KLHL15: variants seen among roughly 807,000 people sequenced by gnomAD.
The protein encoded by KLHL15 is kelch-like protein 15.
KLHL15 carries 1 observed loss-of-function variant against 29.3 expected under a neutral mutation model. That is an observed-to-expected ratio of 0.03 (90% CI 0.01 to 0.16). The LOEUF is 0.16. Among genes scored for constraint, KLHL15 ranks in the 10% least tolerant of loss-of-function variants. KLHL15 has a pLI of 1.00. For missense variants in KLHL15, 215 were observed against 478.5 expected (o/e 0.45, Z 5.14); for synonymous variants, 212 against 184.5 (o/e 1.15, Z -1.21).
intron 2 of KLHL15, among the ~76,000 whole-genome samples, chrX:24,007,069 C>CA (rs1929459156): frequency 2.7e-5 from 3 of 110,611 alleles, no homozygotes; most frequent in Non-Finnish European, 5.7e-5. Flanking sequence ...GGCACATTGC[C>CA]AGCAGCCCCA....
chrX:24,018,959 C>T (rs5925985), intron 2 of KLHL15, among the ~76,000 whole-genome samples: 3,972 of 68,844 alleles, frequency 0.058, 66 homozygotes, highest in Non-Finnish European at 0.068. Context: ...GCCAAGATTG[C>T]GCCACCTCCA....
intron 3 of KLHL15, among the ~76,000 whole-genome samples, chrX:23,997,346 G>A (rs901222951): frequency 3.6e-5 from 4 of 111,721 alleles, no homozygotes; most frequent in African/African-American, 9.7e-5. Context: ...GCCAAGGTGG[G>A]AGGATCACTT....
chrX:23,997,093 AGTAAAGTGACCAGG>A (rs766273065), intron 3 of KLHL15, among the ~76,000 whole-genome samples: 1 of 111,792 alleles, frequency 8.9e-6, no homozygotes, highest in East Asian at 2.8e-4. Context: ...GAACTTCAGA[AGTAAAGTGACCAGG>A]GTAAATAGGG....
At chrX:23,991,935 A>G (rs1421637198) in intron 3 of KLHL15, among the ~76,000 whole-genome samples, 7 of 112,370 alleles carry the variant, frequency 6.2e-5, no homozygotes, top group Non-Finnish European at 1.1e-4. Context: ...AGTGTGCCTT[A>G]CCGATTTTTC....
At chrX:24,001,271 TTC>T (rs1408702394) in intron 3 of KLHL15, among the ~76,000 whole-genome samples, 1 of 111,883 alleles carries the variant, frequency 8.9e-6, no homozygotes, top group Admixed American at 9.6e-5. Context: ...TAAAATAGAT[TTC>T]TTTCCCTCTG....
At chrX:24,025,476 A>G (rs1387978045) in intron 1 of KLHL15, among the ~76,000 whole-genome samples, 23 of 102,930 alleles carry the variant, frequency 2.2e-4, no homozygotes, top group African/African-American at 8.0e-4. Flanking sequence ...CAGGGGGCCC[A>G]GTGCGCTGTC....
In KLHL15 at chrX:23,988,797, T is replaced by C; in HGVS notation, c.939A>G (p.Pro313=). 5.0e-6 allele frequency: 6 copies of C among 1,211,933 alleles called. No individual in the cohort carries two copies. Among genetic ancestry groups the C allele is most frequent in the Non-Finnish European group, 6.7e-6 (6 of 895,556 alleles). ...GGCAGTCAGGTCGCAGAGGTACTTG[T>C]GGGCCTTCTAGCTCCCACCAGACTC... ...KPRVWWELEG[P]QVPLRPDCLA... Residue 313 remains proline (P), a synonymous_variant, in exon 4 of 4, where the codon CCA becomes CCG. Coordinates refer to ENST00000328046, the MANE Select transcript of KLHL15 (RefSeq NM_030624.3).
Position 23,989,043 on chromosome X carries a change from GAA to G in KLHL15, c.706-15_706-14del. On this transcript the variant is annotated splice_polypyrimidine_tract_variant and intron_variant, in intron 3 of 3. Coordinates refer to ENST00000328046, the MANE Select transcript of KLHL15 (RefSeq NM_030624.3). ...CTGATGTCTTAACCTAAGAACACAA[GAA>G]AAAGAATTTAACCAAAGGAAAAAGC... 8.6e-7 allele frequency: 1 copy of G among 1,162,630 alleles called. No homozygotes were observed.
chrX:24,013,077 G>T (rs1057481927), intron 2 of KLHL15, among the ~76,000 whole-genome samples: 2 of 111,234 alleles, frequency 1.8e-5, no homozygotes, highest in Non-Finnish European at 3.8e-5. Context: ...TAAGCTACAA[G>T]TTTGGTCTTG....
At chrX:24,016,120 G>A (rs1395792243) in intron 2 of KLHL15, among the ~76,000 whole-genome samples, 3 of 108,026 alleles carry the variant, frequency 2.8e-5, no homozygotes, top group Non-Finnish European at 5.7e-5. Flanking sequence ...AGGCCAAGGC[G>A]GGCAGATCAT....
chrX:23,991,901 C>A (rs927082593), intron 3 of KLHL15, among the ~76,000 whole-genome samples: 1 of 112,192 alleles, frequency 8.9e-6, no homozygotes, highest in Non-Finnish European at 1.9e-5. Flanking sequence ...ATTTTCCATT[C>A]ATTTCTTCTA....
At chrX:24,020,084 A>C (rs1365605481) in intron 2 of KLHL15, among the ~76,000 whole-genome samples, 1 of 112,331 alleles carries the variant, frequency 8.9e-6, no homozygotes, top group East Asian at 2.8e-4. Context: ...CTTCATCCCC[A>C]AACTGTTCTC....
chrX:23,987,953 A>T lies in KLHL15; in HGVS notation c.1783T>A (p.Tyr595Asn). The T allele has an allele frequency of 8.3e-7, 1 of 1,209,648 alleles. No individual in the cohort carries two copies. The highest frequency in any genetic ancestry group is 1.1e-6 in the Non-Finnish European group (1 of 894,299). The change falls in exon 4 of 4, where the codon TAT becomes AAT. Residue 595 changes from tyrosine (Y) to asparagine (N), a missense_variant. Tyr to Asn is a moderately radical substitution (Grantham distance 143). Coordinates refer to ENST00000328046, the MANE Select transcript of KLHL15 (RefSeq NM_030624.3). The stretch of plus-strand genomic sequence containing the variant: ...CAACGCCTGACCTCATCCAGTACAT[A>T]GTCCGGAAAATGCAGGTTGCATACT... ...LQVCNLHFPD[Y>N]VLDEVRRCN
At chrX:24,017,779 CAAAAAAAAAAAAAA>C (rs531099917) in intron 2 of KLHL15, among the ~76,000 whole-genome samples, 2 of 42,526 alleles carry the variant, frequency 4.7e-5, no homozygotes, top group African/African-American at 8.6e-5. Context: ...GACCATGTCC[CAAAAAAAAAAAAAA>C]AAAAAAAAAA....
intron 3 of KLHL15, among the ~76,000 whole-genome samples, chrX:24,001,802 C>CAA (rs766669649): frequency 0.13 from 2,822 of 22,496 alleles, 255 homozygotes; most frequent in East Asian, 0.39. Context: ...AGACTTGACT[C>CAA]AAAAAAAAAA....
rs192431350 is a variant in KLHL15 at position 24,014,790 on chromosome X, A to G, written c.-7-8090T>C. On this transcript the variant is annotated intron_variant, in intron 2 of 3. Coordinates refer to ENST00000328046, the MANE Select transcript of KLHL15 (RefSeq NM_030624.3). ...TGGCCACAGTCACTCGTGGTCATAC[A>G]GGAGTGGGAAATATGAATCAAGATG... is the stretch of plus-strand genomic sequence containing the variant. 2.2e-3 allele frequency among the ~76,000 whole-genome samples: 243 copies of G among 112,235 alleles called. 1 individual carries two copies. The highest frequency in any genetic ancestry group is 4.0e-3 in the Admixed American group (42 of 10,531).
intron 2 of KLHL15, among the ~76,000 whole-genome samples, chrX:24,011,474 T>C (rs1929574005): frequency 9.1e-6 from 1 of 110,132 alleles, no homozygotes; most frequent in Admixed American, 9.7e-5. Context: ...TGAAACCCCA[T>C]CTCTACCAAA....
At chrX:24,012,637 C>T (rs1201598088) in intron 2 of KLHL15, among the ~76,000 whole-genome samples, 2 of 112,082 alleles carry the variant, frequency 1.8e-5, no homozygotes, top group African/African-American at 6.5e-5. Context: ...ATCCTTACTC[C>T]AGTCCATATA....
At chrX:24,019,317 ACAGTGG>A (rs2147111081) in intron 2 of KLHL15, among the ~76,000 whole-genome samples, 1 of 111,784 alleles carries the variant, frequency 8.9e-6, no homozygotes, top group South Asian at 3.8e-4. Context: ...AGGCTGGAGT[ACAGTGG>A]CATGATCTCT....
Sources: gnomAD v4.1 joint callset for allele counts (sites outside exome capture counted in the v4.1 genomes callset) on GRCh38, gnomAD v4.1.1 for gene constraint, MANE v1.5 for transcripts, NCBI Gene and HGNC (gene_info 2026-07-23, HGNC 2026-07-21) for gene names.